The following SOS1 variants were observed in gnomAD, a reference collection of about 807,000 sequenced individuals.
The protein encoded by SOS1 is SOS Ras/Rac guanine nucleotide exchange factor 1, also known as son of sevenless homolog 1.
In SOS1, 25 loss-of-function variants were observed where a neutral mutation model predicts 157.6. That is an observed-to-expected ratio of 0.16 (90% confidence interval 0.12 to 0.22). The LOEUF (loss-of-function observed/expected upper bound fraction) is 0.22. Among genes scored for constraint, SOS1 ranks in the 10% least tolerant of loss-of-function variants. The probability of loss-of-function intolerance (pLI) is 1.00; values close to 1 mark genes in which losing one functional copy is unlikely to be tolerated. For synonymous variants in SOS1, 528 were observed against 534.0 expected, an observed-to-expected ratio of 0.99 and a Z score of 0.16; for missense variants, 1,237 against 1,599.1, an observed-to-expected ratio of 0.77 and a Z score of 3.86.
At chr2:39,101,078 A>G (rs931978330) in intron 1 of SOS1, among the ~76,000 whole-genome samples, 1 of 152,244 alleles carries the variant, frequency 6.6e-6, no homozygotes, top group Non-Finnish European at 1.5e-5. Flanking sequence ...TGCAGGCTGT[A>G]CAAGAAGCGT....
At chr2:39,072,130 T>C (rs297129) in intron 1 of SOS1, among the ~76,000 whole-genome samples, 141,749 of 152,232 alleles carry the variant, frequency 0.93, 66,107 homozygotes, top group African/African-American at 0.97. Flanking sequence ...TCCCTGCTTG[T>C]ATGGTCCTTA....
intron 2 of SOS1, among the ~76,000 whole-genome samples, chr2:39,061,302 G>A (rs1474353428): frequency 6.7e-6 from 1 of 149,354 alleles, no homozygotes; most frequent in Non-Finnish European, 1.5e-5. Context: ...CCATACTGAA[G>A]GAATTACTTT....
intron 6 of SOS1, among the ~76,000 whole-genome samples, chr2:39,041,697 A>G (rs988541632): frequency 6.6e-6 from 1 of 152,202 alleles, no homozygotes; most frequent in Non-Finnish European, 1.5e-5. Flanking sequence ...GATATGGTAC[A>G]TGGTTCCAAC....
intron 1 of SOS1, among the ~76,000 whole-genome samples, chr2:39,110,679 A>T (rs1440034058): frequency 6.6e-6 from 1 of 152,280 alleles, no homozygotes; most frequent in African/African-American, 2.4e-5. Context: ...AATGGACCAC[A>T]GAGTCTATGA....
At chr2:39,023,431 A>G (rs1669860384) in intron 9 of SOS1, among the ~76,000 whole-genome samples, 2 of 152,212 alleles carry the variant, frequency 1.3e-5, no homozygotes, top group South Asian at 2.1e-4. Context: ...AAAAAGCACA[A>G]TGATTGCTGA....
chr2:39,081,233 A>G (rs1672190721), intron 1 of SOS1, among the ~76,000 whole-genome samples: 2 of 152,136 alleles, frequency 1.3e-5, no homozygotes, highest in Non-Finnish European at 2.9e-5. Flanking sequence ...AAGAATGTTC[A>G]TAGTGGCTGG....
At chr2:38,990,967 CAG>C (rs1405808217) in intron 20 of SOS1, among the ~76,000 whole-genome samples, 2 of 151,942 alleles carry the variant, frequency 1.3e-5, no homozygotes, top group Admixed American at 6.6e-5. Flanking sequence ...ATTTAAAAAA[CAG>C]TATTAATTTA....
At chr2:39,108,010 G>A (rs1030939949) in intron 1 of SOS1, among the ~76,000 whole-genome samples, 8 of 152,114 alleles carry the variant, frequency 5.3e-5, no homozygotes, top group African/African-American at 1.7e-4. Context: ...CTAATCTCTA[G>A]AATACTGATG....
chr2:39,112,574 T>C (rs913677551), intron 1 of SOS1, among the ~76,000 whole-genome samples: 2 of 152,010 alleles, frequency 1.3e-5, no homozygotes, highest in African/African-American at 4.8e-5. Context: ...AGTGCTGGAA[T>C]TGCAGGCATG....
intron 10 of SOS1, among the ~76,000 whole-genome samples, chr2:39,021,173 A>C (rs1308739800): frequency 6.6e-6 from 1 of 151,678 alleles, no homozygotes; most frequent in Non-Finnish European, 1.5e-5. Flanking sequence ...TTACAAAAGT[A>C]CCATGTCCAC....
At chr2:39,095,103 A>G (rs1015807332) in intron 1 of SOS1, among the ~76,000 whole-genome samples, 3 of 152,202 alleles carry the variant, frequency 2.0e-5, no homozygotes, top group Non-Finnish European at 4.4e-5. Flanking sequence ...GTTAGACTGA[A>G]TGAAGTTTAA....
intron 17 of SOS1, among the ~76,000 whole-genome samples, chr2:39,005,718 G>A (rs1192072216): frequency 6.6e-6 from 1 of 151,910 alleles, no homozygotes; most frequent in African/African-American, 2.4e-5. Flanking sequence ...TATAGATGAG[G>A]AAAAGGCTAG....
At chr2:39,079,291 C>G (rs975803953) in intron 1 of SOS1, among the ~76,000 whole-genome samples, 13 of 151,876 alleles carry the variant, frequency 8.6e-5, no homozygotes, top group Non-Finnish European at 1.6e-4. Flanking sequence ...ACAATAGAAA[C>G]AATACGATCC....
At chr2:39,003,065 T>TCAAAAAAAAAA (rs765160067) in intron 17 of SOS1, among the ~76,000 whole-genome samples, 12 of 13,088 alleles carry the variant, frequency 9.2e-4, no homozygotes, top group Non-Finnish European at 1.3e-3. Flanking sequence ...AGACCTTGTA[T>TCAAAAAAAAAA]CAAAAAAAAA....
At chr2:39,026,892 T>C (rs921322600) in intron 8 of SOS1, among the ~76,000 whole-genome samples, 2 of 152,170 alleles carry the variant, frequency 1.3e-5, no homozygotes, top group Non-Finnish European at 2.9e-5. Flanking sequence ...AATCTCATAA[T>C]GTTTTAAGAA....
At chr2:39,070,741 A>G (rs182162580) in intron 1 of SOS1, among the ~76,000 whole-genome samples, 2 of 152,340 alleles carry the variant, frequency 1.3e-5, no homozygotes, top group East Asian at 3.9e-4. Flanking sequence ...ATGTAGCTAT[A>G]ATTGGGGGTT....
chr2:39,009,742 A>G (rs1311495518), intron 15 of SOS1, among the ~76,000 whole-genome samples: 1 of 152,170 alleles, frequency 6.6e-6, no homozygotes, highest in Non-Finnish European at 1.5e-5. Context: ...GTACCACAAA[A>G]AAAAGGGAGA....
rs1262112284 is a variant in SOS1 at position 39,119,406 on chromosome 2, T to A, written c.87+930A>T. Among the ~76,000 whole-genome samples, 4 of 152,238 alleles carry A rather than the reference T, an allele frequency of 2.6e-5. No homozygotes were observed. The East Asian group carries it at 7.7e-4, about 29-fold the overall frequency. ...CCTTTGAGAAATATCAGACACCTTT[T>A]AATGTTTAGCATAAAAGGTAAAACA... On this transcript the variant is annotated intron_variant, in intron 1 of 22. Coordinates refer to ENST00000402219, the MANE Select transcript of SOS1 (RefSeq NM_005633.4).
chr2:39,115,191 T>C (rs1673598276), intron 1 of SOS1, among the ~76,000 whole-genome samples: 1 of 152,136 alleles, frequency 6.6e-6, no homozygotes, highest in South Asian at 2.1e-4. Context: ...TTTCAGGATA[T>C]GTACACACCC....
Sources: gnomAD v4.1 joint callset for allele counts (sites outside exome capture counted in the v4.1 genomes callset) on GRCh38, gnomAD v4.1.1 for gene constraint, MANE v1.5 for transcripts, NCBI Gene and HGNC (gene_info 2026-07-23, HGNC 2026-07-21) for gene names.